GRID2: variants seen among roughly 807,000 people sequenced by gnomAD.
GRID2 encodes glutamate ionotropic receptor delta type subunit 2, also known as glutamate receptor ionotropic, delta-2.
In GRID2, 33 loss-of-function variants were observed where a neutral mutation model predicts 114.8. That is an observed-to-expected ratio of 0.29 (90% confidence interval 0.22 to 0.38). The LOEUF (loss-of-function observed/expected upper bound fraction) is 0.38, where lower values mean the gene tolerates loss of function less well. Ranked by LOEUF, GRID2 falls within the 10% of genes least tolerant of loss-of-function variation. GRID2 has a pLI of 1.00. For missense variants in GRID2, 1,184 were observed against 1,257.7 expected (o/e 0.94, Z 0.89); for synonymous variants, 505 against 449.9 (o/e 1.12, Z -1.55).
At position 92,722,456 on chromosome 4, in the gene GRID2, C is replaced by T. The variant is rs116165841; in HGVS notation, c.244+132170C>T. ...CTCCTGAGAATGAGGAAAAGGGGAACGGGTGGGGTGGCAATCCAGAATATA... is the reference window on the plus strand; with the variant it reads ...CTCCTGAGAATGAGGAAAAGGGGAATGGGTGGGGTGGCAATCCAGAATATA... On this transcript the variant is annotated intron_variant, in intron 2 of 15. Transcript: ENST00000282020. Among the ~76,000 whole-genome samples the T allele has an allele frequency of 1.2e-3, 182 of 152,038 alleles. 1 individual carries two copies. Among genetic ancestry groups the T allele is most frequent in the African/African-American group, 3.4e-3 (140 of 41,478 alleles).
chr4:93,265,573 G>A (rs775257167), intron 8 of GRID2, among the ~76,000 whole-genome samples: 2 of 152,016 alleles, frequency 1.3e-5, no homozygotes, highest in South Asian at 4.1e-4. Context: ...GCATATTTCT[G>A]GTCAGAGAAA....
intron 1 of GRID2, among the ~76,000 whole-genome samples, chr4:92,432,980 C>G (rs1429526176): frequency 6.6e-6 from 1 of 152,128 alleles, no homozygotes; most frequent in Non-Finnish European, 1.5e-5. Context: ...CTTCCAAAAA[C>G]GGTCCTTCCC....
At chr4:92,843,171 G>A (rs1743041913) in intron 2 of GRID2, among the ~76,000 whole-genome samples, 1 of 152,080 alleles carries the variant, frequency 6.6e-6, no homozygotes, top group African/African-American at 2.4e-5. Flanking sequence ...GAACCAGGGA[G>A]GTAGAGGGTG....
At position 92,990,257 on chromosome 4, in the gene GRID2, G is replaced by GTA. The variant is rs1222824712; in HGVS notation, c.245-94728_245-94727dup. Among the ~76,000 whole-genome samples the GTA allele has an allele frequency of 2.1e-4, 27 of 129,858 alleles. 1 individual carries two copies. The highest frequency in any genetic ancestry group is 1.8e-3 in the South Asian group (7 of 3,896). The allele number at this position is 129,858 out of a possible 152,430, so 85.2% of individuals were successfully genotyped here. On this transcript the variant is annotated intron_variant, in intron 2 of 15. Coordinates refer to ENST00000282020, the MANE Select transcript of GRID2 (RefSeq NM_001510.4). ...GTGTGTGTGTGTGTGTGTGATATATGTATATATATATGTACGTAGATATGT... is the reference window on the plus strand; with the variant it reads ...GTGTGTGTGTGTGTGTGTGATATATGTATATATATATATGTACGTAGATATGT...
intron 8 of GRID2, among the ~76,000 whole-genome samples, chr4:93,321,550 T>C (rs1370496136): frequency 1.3e-5 from 2 of 152,098 alleles, no homozygotes; most frequent in African/African-American, 4.8e-5. Context: ...AAATACACGA[T>C]TTCATGATTT....
chr4:93,175,491 C>T (rs1407661843), intron 4 of GRID2, among the ~76,000 whole-genome samples: 1 of 151,934 alleles, frequency 6.6e-6, no homozygotes, highest in Non-Finnish European at 1.5e-5. Context: ...TAATGATAAA[C>T]ATCTTTTCAT....
At chr4:92,927,168 A>C (rs1427504022) in intron 2 of GRID2, among the ~76,000 whole-genome samples, 2 of 151,930 alleles carry the variant, frequency 1.3e-5, no homozygotes, top group African/African-American at 4.8e-5. Context: ...TCCAGTATCA[A>C]CATGTTCCCA....
chr4:93,693,453 T>A (rs1424890358), intron 14 of GRID2, among the ~76,000 whole-genome samples: 1 of 152,242 alleles, frequency 6.6e-6, no homozygotes, highest in Non-Finnish European at 1.5e-5. Flanking sequence ...AGGGTAGTTT[T>A]ATAAAATTAC....
In GRID2 at chr4:93,288,918, T is replaced by A. The variant is rs180792766; in HGVS notation, c.1245+50428T>A. Among the ~76,000 whole-genome samples, 11 of 152,344 alleles carry A rather than the reference T, an allele frequency of 7.2e-5. No homozygotes were observed. In the East Asian group the frequency reaches 2.1e-3, roughly 29 times the overall value. Reference sequence around the variant, plus strand: ...TTGAAATACTAGGTTGATTTTCTATTCTTTGACTGAATCTTTCTCAGTGCT... The same window carrying A: ...TTGAAATACTAGGTTGATTTTCTATACTTTGACTGAATCTTTCTCAGTGCT... On this transcript the variant is annotated intron_variant, in intron 8 of 15. Coordinates refer to ENST00000282020, the MANE Select transcript of GRID2 (RefSeq NM_001510.4).
chr4:92,512,241 G>T (rs1351557591), intron 1 of GRID2, among the ~76,000 whole-genome samples: 1 of 151,756 alleles, frequency 6.6e-6, no homozygotes, highest in Non-Finnish European at 1.5e-5. Flanking sequence ...CATTGTATGT[G>T]TTATAACATA....
intron 8 of GRID2, among the ~76,000 whole-genome samples, chr4:93,334,784 A>C (rs1374693616): frequency 6.6e-6 from 1 of 152,148 alleles, no homozygotes; most frequent in African/African-American, 2.4e-5. Context: ...CAAAAAAATT[A>C]GCCGGGCGTG....
At chr4:93,163,044 G>T (rs1240658496) in intron 4 of GRID2, among the ~76,000 whole-genome samples, 4 of 151,702 alleles carry the variant, frequency 2.6e-5, no homozygotes, top group Non-Finnish European at 4.4e-5. Flanking sequence ...ACACATCTTG[G>T]AAGTATCCTC....
Position 92,652,812 on chromosome 4 carries a change from T to A in GRID2, c.244+62526T>A, listed in dbSNP as rs1448801108. ...CCAAGATGGTGAAAAAAAAAATATATATATATATATAAATATATATAAATT... is the reference window on the plus strand; with the variant it reads ...CCAAGATGGTGAAAAAAAAAATATAAATATATATATAAATATATATAAATT... On this transcript the variant is annotated intron_variant, in intron 2 of 15. Coordinates refer to ENST00000282020, the MANE Select transcript of GRID2 (RefSeq NM_001510.4). 1.4e-3 allele frequency among the ~76,000 whole-genome samples: 190 copies of A among 136,654 alleles called. 7 individuals carry two copies. The highest frequency in any genetic ancestry group is 4.9e-3 in the African/African-American group (182 of 37,312). The allele number at this position is 136,654 out of a possible 152,430, so 89.7% of individuals were successfully genotyped here. A position where few individuals can be genotyped will look rare whatever the true frequency, so the allele number is the denominator to read the frequency against.
chr4:92,931,505 G>A (rs1750232855), intron 2 of GRID2, among the ~76,000 whole-genome samples: 1 of 150,648 alleles, frequency 6.6e-6, no homozygotes, highest in Non-Finnish European at 1.5e-5. Context: ...AAATAAATAT[G>A]ATACATAAAT....
chr4:93,281,495 T>G (rs1752648237), intron 8 of GRID2, among the ~76,000 whole-genome samples: 1 of 152,010 alleles, frequency 6.6e-6, no homozygotes, highest in Non-Finnish European at 1.5e-5. Flanking sequence ...ACTTGTATTC[T>G]TTAGCAGAAA....
intron 13 of GRID2, among the ~76,000 whole-genome samples, chr4:93,617,417 A>G (rs531155395): frequency 3.3e-5 from 5 of 152,284 alleles, no homozygotes; most frequent in African/African-American, 1.2e-4. Context: ...ATTCCAAACT[A>G]TGAGATTCAG....
chr4:93,486,508 C>CTTT (rs994645304), intron 11 of GRID2, among the ~76,000 whole-genome samples: 5 of 151,570 alleles, frequency 3.3e-5, no homozygotes, highest in Non-Finnish European at 7.4e-5. Flanking sequence ...ATAATGAACA[C>CTTT]TTTTTAAAGT....
chr4:93,669,822 A>C (rs956194639), intron 14 of GRID2, among the ~76,000 whole-genome samples: 24 of 152,254 alleles, frequency 1.6e-4, no homozygotes, highest in African/African-American at 5.3e-4. Context: ...GCTCCAACCC[A>C]CCCTGCACCT....
At chr4:93,282,169 C>T (rs1019932245) in intron 8 of GRID2, among the ~76,000 whole-genome samples, 4 of 151,858 alleles carry the variant, frequency 2.6e-5, no homozygotes, top group East Asian at 1.9e-4. Flanking sequence ...AAGTTTAAAC[C>T]AATCTATAAG....
Sources: allele counts gnomAD v4.1 joint callset (sites outside exome capture counted in the v4.1 genomes callset), GRCh38; gene constraint gnomAD v4.1.1; transcripts MANE v1.5; gene names NCBI Gene and HGNC (gene_info 2026-07-23, HGNC 2026-07-21).